PPFIA1: variants seen among roughly 807,000 people sequenced by gnomAD.
PPFIA1 encodes the protein liprin-alpha-1.
In PPFIA1, 25 loss-of-function variants were observed where a neutral mutation model predicts 149.9. The ratio of observed to expected loss-of-function variants is 0.17; its 90% CI spans 0.12 to 0.23. The LOEUF is 0.23. Among genes scored for constraint, PPFIA1 ranks in the 10% least tolerant of loss-of-function variants. PPFIA1 has a pLI of 1.00. For missense variants in PPFIA1, 1,362 were observed against 1,506.5 expected (o/e 0.90, Z 1.59); for synonymous variants, 549 against 552.8 (o/e 0.99, Z 0.10).
At chr11:70,380,301 C>G (rs1233404384) in intron 26 of PPFIA1, among the ~76,000 whole-genome samples, 3 of 151,888 alleles carry the variant, frequency 2.0e-5, no homozygotes, top group African/African-American at 7.3e-5. Flanking sequence ...GGCTCGGTGG[C>G]TCACGCCTGT....
At chr11:70,297,106 A>G (rs879435064) in intron 2 of PPFIA1, among the ~76,000 whole-genome samples, 5 of 152,180 alleles carry the variant, frequency 3.3e-5, no homozygotes, top group East Asian at 1.9e-4. Flanking sequence ...ATTGTGATCA[A>G]TAGAAAACAA....
intron 23 of PPFIA1, among the ~76,000 whole-genome samples, chr11:70,373,114 G>T (rs2135398224): frequency 6.6e-6 from 1 of 152,354 alleles, no homozygotes; most frequent in Non-Finnish European, 1.5e-5. Context: ...ACAGGCCAGG[G>T]AGGCGTTAGA....
chr11:70,342,341 G>T (rs2055384775), intron 14 of PPFIA1, among the ~76,000 whole-genome samples: 1 of 152,168 alleles, frequency 6.6e-6, no homozygotes, highest in Non-Finnish European at 1.5e-5. Flanking sequence ...TGGGAAGGTC[G>T]CCAGTTGGGA....
At chr11:70,302,623 A>G (rs1171207985) in intron 2 of PPFIA1, among the ~76,000 whole-genome samples, 2 of 152,336 alleles carry the variant, frequency 1.3e-5, no homozygotes, top group East Asian at 3.9e-4. Context: ...CATGAGACAG[A>G]ATCAAAAGCT....
At position 70,305,474 on chromosome 11, in the gene PPFIA1, C is replaced by T. The variant is rs150983137; in HGVS notation, c.265-18928C>T. On this transcript the variant is annotated intron_variant, in intron 2 of 27. Transcript: ENST00000253925. The stretch of plus-strand genomic sequence containing the variant: ...GCAGCCTCGACCTCCTGGGCTTAAG[C>T]GATCCTCTCACCACAGCCTCCTAAG... Among the ~76,000 whole-genome samples the T allele has an allele frequency of 3.9e-5, 6 of 152,180 alleles. No individual in the cohort carries two copies. The East Asian group carries it at 9.7e-4, about 25-fold the overall frequency.
intron 2 of PPFIA1, among the ~76,000 whole-genome samples, chr11:70,287,952 G>T (rs2051259029): frequency 6.6e-6 from 1 of 151,906 alleles, no homozygotes; most frequent in Non-Finnish European, 1.5e-5. Context: ...AACTTGTATG[G>T]TTAGATTTTT....
intron 2 of PPFIA1, among the ~76,000 whole-genome samples, chr11:70,295,370 CGGGCGGGGGGCT>C (rs2051862155): frequency 7.1e-6 from 1 of 140,594 alleles, no homozygotes; most frequent in African/African-American, 2.7e-5. Context: ...GGCGGCTGGC[CGGGCGGGGGGCT>C]GACCCCCCCA....
chr11:70,316,231 C>T (rs1280602127), intron 2 of PPFIA1, among the ~76,000 whole-genome samples: 1 of 152,130 alleles, frequency 6.6e-6, no homozygotes, highest in African/African-American at 2.4e-5. Flanking sequence ...ACCACCACGC[C>T]TGGCTAATTT....
chr11:70,288,594 C>T (rs2051312955), intron 2 of PPFIA1, among the ~76,000 whole-genome samples: 1 of 152,128 alleles, frequency 6.6e-6, no homozygotes, highest in South Asian at 2.1e-4. Context: ...GTGATTTTTC[C>T]AGCTGTCCGT....
At chr11:70,333,736 A>G (rs1303738297) in intron 10 of PPFIA1, among the ~76,000 whole-genome samples, 183 bp downstream of exon 10, 3 of 152,104 alleles carry the variant, frequency 2.0e-5, no homozygotes, top group Non-Finnish European at 4.4e-5. Flanking sequence ...CATCCCACAC[A>G]GTAGTTGTTT....
chr11:70,294,406 A>G (rs1488447060), intron 2 of PPFIA1, among the ~76,000 whole-genome samples: 1 of 152,122 alleles, frequency 6.6e-6, no homozygotes, highest in Non-Finnish European at 1.5e-5. Flanking sequence ...TGCTGAAGGG[A>G]TATGCCCACG....
intron 1 of PPFIA1, 150 bp from the exon 2 acceptor site, chr11:70,272,023 G>A (rs2050125531): frequency 1.1e-6 from 1 of 898,886 alleles, no homozygotes; most frequent in Admixed American, 2.3e-5. Context: ...CCCTGTGTAT[G>A]TTTTCCCAGC....
chr11:70,316,624 A>G (rs1159705940), intron 2 of PPFIA1, among the ~76,000 whole-genome samples: 2 of 152,120 alleles, frequency 1.3e-5, no homozygotes, highest in Non-Finnish European at 2.9e-5. Context: ...CCCCTTTCCC[A>G]CTGGCGATGG....
chr11:70,312,584 A>C (rs1175182463), intron 2 of PPFIA1, among the ~76,000 whole-genome samples: 1 of 152,196 alleles, frequency 6.6e-6, no homozygotes, highest in African/African-American at 2.4e-5. Context: ...CATTTGAATC[A>C]GCTCCACAGG....
At chr11:70,369,859 A>G (rs1216192057) in intron 21 of PPFIA1, among the ~76,000 whole-genome samples, 2 of 151,412 alleles carry the variant, frequency 1.3e-5, no homozygotes, top group Non-Finnish European at 2.9e-5. Flanking sequence ...CTGGTCTCAG[A>G]CACCTGGACT....
At chr11:70,277,916 T>G (rs1473689476) in intron 2 of PPFIA1, among the ~76,000 whole-genome samples, 3 of 152,104 alleles carry the variant, frequency 2.0e-5, no homozygotes, top group Non-Finnish European at 4.4e-5. Flanking sequence ...TTGTTTTGTT[T>G]TGTTTTGTTT....
intron 8 of PPFIA1, among the ~76,000 whole-genome samples, chr11:70,331,626 A>C (rs2054668564): frequency 6.6e-6 from 1 of 152,018 alleles, no homozygotes; most frequent in Non-Finnish European, 1.5e-5. Context: ...CTAAAAATAC[A>C]AAAATTAGCC....
At chr11:70,271,477 A>G (rs139268375) in intron 1 of PPFIA1, among the ~76,000 whole-genome samples, 5 of 151,432 alleles carry the variant, frequency 3.3e-5, no homozygotes, top group African/African-American at 9.7e-5. Flanking sequence ...CCTCTTTCCT[A>G]GCCGCCCCCG....
intron 15 of PPFIA1, 96 bp from the exon 16 acceptor site, chr11:70,348,093 T>C (rs1344563601): frequency 1.0e-6 from 1 of 955,742 alleles, no homozygotes; most frequent in Non-Finnish European, 1.6e-6. Context: ...TGGAGTTTAC[T>C]CATAGTAATA....
Sources: gnomAD v4.1 joint callset for allele counts (sites outside exome capture counted in the v4.1 genomes callset) on GRCh38, gnomAD v4.1.1 for gene constraint, MANE v1.5 for transcripts, NCBI Gene and HGNC (gene_info 2026-07-23, HGNC 2026-07-21) for gene names.